Variants in DIS3L2 observed in about 807,000 individuals in gnomAD.
DIS3L2 encodes the protein DIS3 like 3'-5' exoribonuclease 2.
Under a neutral mutation model 97.5 loss-of-function variants are expected in DIS3L2, and 34 were observed. That is an observed-to-expected ratio of 0.35 (90% CI 0.27 to 0.46). The LOEUF (loss-of-function observed/expected upper bound fraction) is 0.46, where lower values mean the gene tolerates loss of function less well. DIS3L2 is among the 20% of genes least tolerant of loss of function. DIS3L2 has a pLI of 1.00. For missense variants in DIS3L2, 1,038 were observed against 1,146.0 expected, an observed-to-expected ratio of 0.91 and a Z score of 1.36; for synonymous variants, 435 against 445.2, an observed-to-expected ratio of 0.98 and a Z score of 0.29.
At chr2:232,136,740 A>G (rs1698370427) in intron 8 of DIS3L2, 21 bp downstream of exon 8, 1 of 1,610,874 alleles carries the variant, frequency 6.2e-7, no homozygotes, top group Non-Finnish European at 8.5e-7. Context: ...TCTGGTAGGA[A>G]AAACCACAGG....
chr2:232,291,555 C>T (rs979614627), intron 13 of DIS3L2, among the ~76,000 whole-genome samples: 5 of 152,242 alleles, frequency 3.3e-5, no homozygotes, highest in Admixed American at 3.3e-4. Flanking sequence ...GTGTTTGAAC[C>T]TTGGTCCTAA....
chr2:232,120,353 G>C (rs989325995), intron 6 of DIS3L2, among the ~76,000 whole-genome samples: 2 of 152,102 alleles, frequency 1.3e-5, no homozygotes, highest in East Asian at 3.9e-4. Flanking sequence ...AGCCACTTCC[G>C]AGCTGGTCAC....
chr2:232,277,342 T>C (rs1193670093), intron 13 of DIS3L2, among the ~76,000 whole-genome samples: 1 of 152,230 alleles, frequency 6.6e-6, no homozygotes, highest in Non-Finnish European at 1.5e-5. Flanking sequence ...TCACACCCGC[T>C]AACGTTGGTG....
chr2:232,012,876 T>C (rs951067843), intron 1 of DIS3L2, among the ~76,000 whole-genome samples: 18 of 152,202 alleles, frequency 1.2e-4, no homozygotes, highest in Non-Finnish European at 2.4e-4. Flanking sequence ...GGCAATCTTA[T>C]CCATTCTTGA....
chr2:232,265,740 G>A (rs932760327), intron 13 of DIS3L2, among the ~76,000 whole-genome samples: 10 of 152,212 alleles, frequency 6.6e-5, no homozygotes, highest in African/African-American at 2.4e-4. Flanking sequence ...TAAAACAGGG[G>A]ATAATTACAA....
intron 5 of DIS3L2, 125 bp from the exon 6 acceptor site, chr2:232,087,362 C>T: frequency 1.5e-6 from 1 of 680,684 alleles, no homozygotes; most frequent in South Asian, 2.1e-5. Context: ...CTTTTTTGAA[C>T]TACATGATTA....
At chr2:232,289,643 C>G (rs1574996972) in intron 13 of DIS3L2, among the ~76,000 whole-genome samples, 1 of 152,148 alleles carries the variant, frequency 6.6e-6, no homozygotes, top group African/African-American at 2.4e-5. Context: ...ACTAACCCAC[C>G]CTTGAGGAAG....
At chr2:232,005,203 A>G (rs909387354) in intron 1 of DIS3L2, among the ~76,000 whole-genome samples, 2 of 134,268 alleles carry the variant, frequency 1.5e-5, no homozygotes, top group African/African-American at 5.5e-5. Context: ...TTTCACTAGC[A>G]CTTAGCTTCA....
At chr2:232,190,389 C>A (rs2106195104) in intron 9 of DIS3L2, among the ~76,000 whole-genome samples, 1 of 152,270 alleles carries the variant, frequency 6.6e-6, no homozygotes, top group Middle Eastern at 3.4e-3. Context: ...GAGAAAACCT[C>A]TCAGTTGGGG....
intron 10 of DIS3L2, among the ~76,000 whole-genome samples, chr2:232,226,066 C>T (rs910520901): frequency 3.9e-5 from 6 of 152,120 alleles, no homozygotes; most frequent in Non-Finnish European, 8.8e-5. Flanking sequence ...GGCTTTCTTT[C>T]TGGGGTGATG....
rs11678830 is a variant in DIS3L2 at position 232,300,891 on chromosome 2, C to T, written c.1739+772C>T. Among the ~76,000 whole-genome samples, 377 of 152,192 alleles carry T rather than the reference C, an allele frequency of 2.5e-3. 1 individual carries two copies. Among genetic ancestry groups the T allele is most frequent in the Non-Finnish European group, 4.4e-3 (298 of 68,004 alleles). ...TTGGTCTTGAACTCCTGAGCTCAAGCGATTCTCCCACCTCAGCCTCCCAAA... is the reference window on the plus strand; with the variant it reads ...TTGGTCTTGAACTCCTGAGCTCAAGTGATTCTCCCACCTCAGCCTCCCAAA... On this transcript the variant is annotated intron_variant, in intron 14 of 20. Coordinates refer to ENST00000325385, the MANE Select transcript of DIS3L2 (RefSeq NM_152383.5).
At chr2:232,229,187 T>C (rs1692726308) in intron 10 of DIS3L2, among the ~76,000 whole-genome samples, 2 of 152,098 alleles carry the variant, frequency 1.3e-5, no homozygotes, top group Non-Finnish European at 2.9e-5. Context: ...CCTCTTCTCT[T>C]TTTTTTTGGA....
chr2:232,007,331 T>A (rs1292157873), intron 1 of DIS3L2, among the ~76,000 whole-genome samples: 1 of 151,342 alleles, frequency 6.6e-6, no homozygotes, highest in African/African-American at 2.4e-5. Context: ...TAGGAGAGAG[T>A]TGGGAATGAG....
downstream of DIS3L2, among the ~76,000 whole-genome samples, chr2:232,342,160 TATACAC>T (rs1257320748): frequency 3.9e-5 from 6 of 152,066 alleles, no homozygotes; most frequent in African/African-American, 7.2e-5. Flanking sequence ...CACATATACA[TATACAC>T]ATACACATAT....
chr2:232,012,011 G>T (rs1694213795), intron 1 of DIS3L2, among the ~76,000 whole-genome samples: 1 of 152,140 alleles, frequency 6.6e-6, no homozygotes, highest in Non-Finnish European at 1.5e-5. Context: ...TCTCCTTCTA[G>T]TGCTTTGGTA....
At chr2:232,330,132 G>T in intron 15 of DIS3L2, 136 bp downstream of exon 15, 2 of 1,103,582 alleles carry the variant, frequency 1.8e-6, no homozygotes. Flanking sequence ...TGTAGGGAAG[G>T]AGGCCCTGGG....
intron 1 of DIS3L2, among the ~76,000 whole-genome samples, chr2:231,973,633 C>T (rs1474670231): frequency 6.6e-6 from 1 of 152,134 alleles, no homozygotes; most frequent in Admixed American, 6.6e-5. Context: ...CTCAAGGGAT[C>T]CTCCTGCGTA....
chr2:232,225,841 A>T (rs536542522), intron 10 of DIS3L2, among the ~76,000 whole-genome samples: 2 of 152,370 alleles, frequency 1.3e-5, no homozygotes, highest in East Asian at 3.8e-4. Flanking sequence ...ATAGAATATT[A>T]TTCATTCATA....
At chr2:232,139,953 A>G (rs1184385531) in intron 8 of DIS3L2, among the ~76,000 whole-genome samples, 1 of 152,176 alleles carries the variant, frequency 6.6e-6, no homozygotes, top group South Asian at 2.1e-4. Flanking sequence ...AGGGAGAAGG[A>G]TGGAATCTTG....
Sources: allele counts gnomAD v4.1 joint callset (sites outside exome capture counted in the v4.1 genomes callset), GRCh38; gene constraint gnomAD v4.1.1; transcripts MANE v1.5; gene names NCBI Gene and HGNC (gene_info 2026-07-23, HGNC 2026-07-21).